The following BRINP3 variants were observed in gnomAD, a reference collection of about 807,000 sequenced individuals.
The protein encoded by BRINP3 is BMP/retinoic acid-inducible neural-specific protein 3.
BRINP3 carries 19 observed loss-of-function variants against 71.0 expected under a neutral mutation model. That is an observed-to-expected ratio of 0.27 (90% confidence interval 0.19 to 0.39). The LOEUF is 0.39. BRINP3 is among the 10% of genes least tolerant of loss of function. The pLI, the probability that BRINP3 is intolerant of heterozygous loss-of-function variation, is 1.00. For synonymous variants in BRINP3, 380 were observed against 337.7 expected, an observed-to-expected ratio of 1.13 and a Z score of -1.37; for missense variants, 959 against 940.8, an observed-to-expected ratio of 1.02 and a Z score of -0.25.
intron 1 of BRINP3, among the ~76,000 whole-genome samples, chr1:190,468,099 A>T (rs1676880598): frequency 1.3e-5 from 2 of 151,348 alleles, no homozygotes; most frequent in African/African-American, 4.8e-5. Flanking sequence ...TAATAAATAC[A>T]TTTTAATTAA....
chr1:190,154,980 A>G (rs78590847), intron 7 of BRINP3, among the ~76,000 whole-genome samples: 2,511 of 152,284 alleles, frequency 0.016, 59 homozygotes, highest in African/African-American at 0.057. Context: ...ACAATAAAGC[A>G]TTCAAGTGAA....
intron 7 of BRINP3, among the ~76,000 whole-genome samples, chr1:190,112,681 C>T (rs1652793849): frequency 1.3e-5 from 2 of 152,044 alleles, no homozygotes; most frequent in African/African-American, 4.8e-5. Context: ...TATTTGGATT[C>T]TTGTAAGGAA....
At chr1:190,378,650 T>A (rs962460813) in intron 2 of BRINP3, among the ~76,000 whole-genome samples, 27 of 152,306 alleles carry the variant, frequency 1.8e-4, no homozygotes, top group Non-Finnish European at 3.1e-4. Context: ...TTTTTAGACA[T>A]GAAGATAAAG....
chr1:190,245,240 C>A (rs2102787451), intron 4 of BRINP3, among the ~76,000 whole-genome samples: 1 of 149,500 alleles, frequency 6.7e-6, no homozygotes, highest in East Asian at 2.0e-4. Context: ...TCTGTCATTT[C>A]TTTTCTTTTT....
intron 6 of BRINP3, among the ~76,000 whole-genome samples, chr1:190,219,146 T>C (rs868659553): frequency 2.6e-5 from 4 of 151,762 alleles, no homozygotes; most frequent in Non-Finnish European, 4.4e-5. Flanking sequence ...ATGAAAAAAA[T>C]TGGACAGATA....
chr1:190,459,423 A>G (rs1158875412), intron 1 of BRINP3, among the ~76,000 whole-genome samples: 1 of 151,918 alleles, frequency 6.6e-6, no homozygotes, highest in East Asian at 1.9e-4. Flanking sequence ...TTTGAAATTC[A>G]TAAATATTGA....
chr1:190,348,536 A>G (rs375458181), intron 2 of BRINP3, among the ~76,000 whole-genome samples: 7 of 152,152 alleles, frequency 4.6e-5, no homozygotes, highest in Non-Finnish European at 1.0e-4. Context: ...TTATCCTGAT[A>G]TATCTGAATG....
intron 2 of BRINP3, among the ~76,000 whole-genome samples, chr1:190,436,630 T>A (rs1407175114): frequency 6.6e-6 from 1 of 151,900 alleles, no homozygotes; most frequent in African/African-American, 2.4e-5. Flanking sequence ...AAAATGTCTA[T>A]TCTTAAATAA....
intron 2 of BRINP3, among the ~76,000 whole-genome samples, chr1:190,432,941 A>C (rs1191500142): frequency 1.3e-5 from 2 of 152,198 alleles, no homozygotes; most frequent in East Asian, 3.8e-4. Flanking sequence ...TTTATGAAAA[A>C]TACATAGTTT....
At chr1:190,419,052 C>A (rs1454222140) in intron 2 of BRINP3, among the ~76,000 whole-genome samples, 1 of 151,914 alleles carries the variant, frequency 6.6e-6, no homozygotes, top group Admixed American at 6.6e-5. Flanking sequence ...ATGTAAGATA[C>A]CATTTATAAG....
intron 7 of BRINP3, among the ~76,000 whole-genome samples, chr1:190,121,430 G>T (rs1653649425): frequency 6.6e-6 from 1 of 151,962 alleles, no homozygotes; most frequent in Admixed American, 6.6e-5. Flanking sequence ...TTAAAACAAA[G>T]ACTACATAGT....
chr1:190,147,819 T>C (rs1196222446), intron 7 of BRINP3, among the ~76,000 whole-genome samples: 2 of 152,158 alleles, frequency 1.3e-5, no homozygotes, highest in Non-Finnish European at 2.9e-5. Flanking sequence ...AGAAGAAAGA[T>C]AGGAATCTGA....
chr1:190,223,210 T>A (rs1358766149), intron 6 of BRINP3, among the ~76,000 whole-genome samples: 1 of 151,712 alleles, frequency 6.6e-6, no homozygotes, highest in East Asian at 1.9e-4. Context: ...GACAAAAACA[T>A]GACAAGAAAC....
intron 6 of BRINP3, among the ~76,000 whole-genome samples, chr1:190,222,592 A>G (rs1158086618): frequency 6.6e-6 from 1 of 152,026 alleles, no homozygotes; most frequent in Non-Finnish European, 1.5e-5. Context: ...CATAAGATCA[A>G]CAAAAGGAAA....
chr1:190,214,492 G>C (rs1435532656), intron 6 of BRINP3, among the ~76,000 whole-genome samples: 1 of 152,086 alleles, frequency 6.6e-6, no homozygotes, highest in East Asian at 1.9e-4. Flanking sequence ...AGAGTCATTG[G>C]AACTTCTCAC....
At chr1:190,422,097 A>G (rs536814900) in intron 2 of BRINP3, among the ~76,000 whole-genome samples, 1 of 151,870 alleles carries the variant, frequency 6.6e-6, no homozygotes, top group East Asian at 1.9e-4. Flanking sequence ...TGACCTGAGG[A>G]TAATTCTTTA....
intron 2 of BRINP3, among the ~76,000 whole-genome samples, chr1:190,371,179 A>C (rs982066349): frequency 1.3e-5 from 2 of 152,176 alleles, no homozygotes; most frequent in Non-Finnish European, 2.9e-5. Context: ...ATTTAGTTTG[A>C]TGCAATCCCC....
In BRINP3 at chr1:190,449,737, G is replaced by C. The variant is rs376686997; in HGVS notation, c.236+4918C>G. Among the ~76,000 whole-genome samples, 165 of 152,132 alleles carry C rather than the reference G, an allele frequency of 1.1e-3. 5 individuals are homozygous for C. The South Asian group carries it at 0.022, about 20-fold the overall frequency. On this transcript the variant is annotated intron_variant, in intron 2 of 7. Transcript: ENST00000367462. ...GACTGCACTGATATGTAGTGGTTTG[G>C]GCTTAATTATCAGTGTATAGCTGAG...
intron 2 of BRINP3, among the ~76,000 whole-genome samples, chr1:190,386,814 A>G (rs1167169530): frequency 6.6e-6 from 1 of 152,084 alleles, no homozygotes; most frequent in African/African-American, 2.4e-5. Context: ...TAAAGGGCTT[A>G]CAACTCATAT....
Sources: allele counts gnomAD v4.1 joint callset (sites outside exome capture counted in the v4.1 genomes callset), GRCh38; gene constraint gnomAD v4.1.1; transcripts MANE v1.5; gene names NCBI Gene and HGNC (gene_info 2026-07-23, HGNC 2026-07-21).